PDLIM3: variants seen among roughly 807,000 people sequenced by gnomAD.
PDLIM3 encodes the protein PDZ and LIM domain protein 3.
Under a neutral mutation model 37.3 loss-of-function variants are expected in PDLIM3, and 36 were observed. The observed-to-expected ratio is 0.97, with a 90% CI of 0.74 to 1.28. The LOEUF (loss-of-function observed/expected upper bound fraction) is 1.28, where lower values mean the gene tolerates loss of function less well. PDLIM3 is among the 50% of genes most tolerant of loss of function. PDLIM3 has a pLI of 0.00. For missense variants in PDLIM3, 454 were observed against 485.0 expected (o/e 0.94, Z 0.60); for synonymous variants, 174 against 182.4 (o/e 0.95, Z 0.37).
chr4:185,510,947 T>C (rs933994303), intron 4 of PDLIM3, among the ~76,000 whole-genome samples: 2 of 152,254 alleles, frequency 1.3e-5, no homozygotes, highest in Non-Finnish European at 1.5e-5. Flanking sequence ...GCACCGTGGG[T>C]CACCACGACC....
At chr4:185,528,454 T>G (rs143976851) in intron 1 of PDLIM3, among the ~76,000 whole-genome samples, 1 of 152,386 alleles carries the variant, frequency 6.6e-6, no homozygotes, top group African/African-American at 2.4e-5. Flanking sequence ...ATATTAATAC[T>G]AAATAATACC....
intron 3 of PDLIM3, among the ~76,000 whole-genome samples, chr4:185,519,617 A>G (rs1385114717): frequency 6.6e-6 from 1 of 152,198 alleles, no homozygotes; most frequent in Admixed American, 6.5e-5. Flanking sequence ...TTAAAATTTT[A>G]TATCAACTAT....
chr4:185,503,140 T>A (rs1048182794), intron 7 of PDLIM3, among the ~76,000 whole-genome samples: 1 of 151,906 alleles, frequency 6.6e-6, no homozygotes, highest in Non-Finnish European at 1.5e-5. Flanking sequence ...AGGAGAATGG[T>A]GTGAACCCGG....
rs11419562 is a variant in PDLIM3, at chr4:185,517,347, C to CTTTTTT, written c.331-3016_331-3011dup. The CTTTTTT allele has an allele frequency of 2.3e-4, 11 of 48,796 alleles. 1 individual carries two copies. The highest frequency in any genetic ancestry group is 2.9e-4 in the Non-Finnish European group (7 of 24,294). The allele number at this position is 48,796 out of a possible 1,614,324, so 3.0% of individuals were successfully genotyped here. A position where few individuals can be genotyped will look rare whatever the true frequency, so the allele number is the denominator to read the frequency against. On this transcript the variant is annotated intron_variant, in intron 3 of 7. Coordinates refer to ENST00000284767, the MANE Select transcript of PDLIM3 (RefSeq NM_014476.6). Reference sequence around the variant, plus strand: ...ATCACTTAAGTTTTGTGGAGCTTAGCTTTTTTTTTTTTTTTTTTTTTTTTT... The same window carrying CTTTTTT: ...ATCACTTAAGTTTTGTGGAGCTTAGCTTTTTTTTTTTTTTTTTTTTTTTTTTTTTTT...
At position 185,504,710 on chromosome 4, in the gene PDLIM3, A is replaced by G. The variant is rs1342254761; in HGVS notation, c.794-124T>C. 2.3e-5 allele frequency: 17 copies of G among 732,418 alleles called. No homozygotes were observed. The Admixed American group carries it at 2.6e-4, about 11-fold the overall frequency. The allele number at this position is 732,418 out of a possible 1,614,324, so 45.4% of individuals were successfully genotyped here. A position where few individuals can be genotyped will look rare whatever the true frequency, so the allele number is the denominator to read the frequency against. On this transcript the variant is annotated intron_variant, in intron 6 of 7. Transcript: ENST00000284767. The surrounding 1 kb of genome is among the most constrained non-coding windows in gnomAD (Gnocchi z 4.7). ...TCTGCACCGTCATTCCGAGAGGGGC[A>G]GGACTGATGCAATCATAAGGGACGC...
intron 5 of PDLIM3, 122 bp downstream of exon 5, chr4:185,508,177 A>G (rs1341775169): frequency 2.0e-6 from 2 of 990,902 alleles, no homozygotes; most frequent in South Asian, 2.7e-5. Flanking sequence ...AATCCTTAGT[A>G]TTTTAAAAAA....
At chr4:185,530,644 C>G (rs1187418993) in intron 1 of PDLIM3, among the ~76,000 whole-genome samples, 1 of 152,204 alleles carries the variant, frequency 6.6e-6, no homozygotes, top group African/African-American at 2.4e-5. Context: ...CCGAGACCAA[C>G]TGCAGCCTAC....
Position 185,523,465 on chromosome 4 carries a change from T to G in PDLIM3, c.246-19A>C. ...TTCTCCCCTGGAAATAAAATAAAAT[T>G]TGTAAACTTCAAATTCTAATGGTAC... On this transcript the variant is annotated intron_variant, in intron 2 of 7. Coordinates refer to ENST00000284767, the MANE Select transcript of PDLIM3 (RefSeq NM_014476.6). 6.7e-7 allele frequency: 1 copy of G among 1,484,682 alleles called. No homozygotes were observed. The highest frequency in any genetic ancestry group is 1.1e-5 in the South Asian group (1 of 87,442). 92.0% of individuals were successfully genotyped at this position (1,484,682 alleles called of 1,614,324 possible). A position where few individuals can be genotyped will look rare whatever the true frequency, so the allele number is the denominator to read the frequency against.
intron 3 of PDLIM3, among the ~76,000 whole-genome samples, chr4:185,522,988 C>A (rs571418347): frequency 1.3e-5 from 2 of 152,342 alleles, no homozygotes; most frequent in South Asian, 4.1e-4. Flanking sequence ...ATTGGAGACA[C>A]CTGTTTCAAA....
chr4:185,518,386 T>C (rs1234621376), intron 3 of PDLIM3, among the ~76,000 whole-genome samples: 1 of 152,046 alleles, frequency 6.6e-6, no homozygotes, highest in Non-Finnish European at 1.5e-5. Context: ...TTTATAATTC[T>C]GAACCATCTC....
chr4:185,503,456 G>T (rs2095690856), intron 7 of PDLIM3, among the ~76,000 whole-genome samples: 1 of 152,126 alleles, frequency 6.6e-6, no homozygotes, highest in South Asian at 2.1e-4. Context: ...TCCTCCTTTT[G>T]CCCTAACCAG....
intron 1 of PDLIM3, among the ~76,000 whole-genome samples, chr4:185,526,223 C>T (rs893980236): frequency 1.3e-5 from 2 of 152,198 alleles, no homozygotes; most frequent in African/African-American, 2.4e-5. Context: ...TTAACATGAG[C>T]GTACAGAACT....
rs1323045809 is a variant in PDLIM3, at chr4:185,522,568, T to C, written c.330+794A>G. On this transcript the variant is annotated intron_variant, in intron 3 of 7. Transcript: ENST00000284767. Reference sequence around the variant, plus strand: ...ATAGAACAACTACATGCTGGGAATATCTAATCAGTTTAGCAGGAACATGTG... The same window carrying C: ...ATAGAACAACTACATGCTGGGAATACCTAATCAGTTTAGCAGGAACATGTG... Among the ~76,000 whole-genome samples the C allele has an allele frequency of 3.0e-5, 2 of 66,864 alleles. 1 individual carries two copies. Among genetic ancestry groups the C allele is most frequent in the Non-Finnish European group, 1.2e-4 (2 of 16,268 alleles). 43.9% of individuals were successfully genotyped at this position (66,864 alleles called of 152,430 possible). A position where few individuals can be genotyped will look rare whatever the true frequency, so the allele number is the denominator to read the frequency against.
chr4:185,530,015 A>G lies in PDLIM3; in HGVS notation c.94-4844T>C, dbSNP rs2095741214. Among the ~76,000 whole-genome samples the G allele has an allele frequency of 2.0e-5, 3 of 152,178 alleles. No homozygotes were observed. In the South Asian group the frequency reaches 6.2e-4, roughly 32 times the overall value. ...GGTTGTGTGATGGCAGTTCATATAC[A>G]TGTTCCTTTTTTTCTGCTGATATAT... On this transcript the variant is annotated intron_variant, in intron 1 of 7. Coordinates refer to ENST00000284767, the MANE Select transcript of PDLIM3 (RefSeq NM_014476.6).
chr4:185,507,710 T>C (rs904646396), intron 5 of PDLIM3, among the ~76,000 whole-genome samples: 2 of 152,098 alleles, frequency 1.3e-5, no homozygotes, highest in Non-Finnish European at 2.9e-5. Flanking sequence ...AAGAAAAAAT[T>C]AGTCAAAAAG....
intron 6 of PDLIM3, among the ~76,000 whole-genome samples, chr4:185,505,481 C>T (rs1008410498): frequency 2.6e-5 from 4 of 152,014 alleles, no homozygotes; most frequent in South Asian, 2.1e-4. Flanking sequence ...ATTAGCCGGG[C>T]GCGGTGGTGG....
chr4:185,525,783 C>G (rs2095732954), intron 1 of PDLIM3, among the ~76,000 whole-genome samples: 1 of 152,150 alleles, frequency 6.6e-6, no homozygotes, highest in Non-Finnish European at 1.5e-5. Flanking sequence ...GCTCTCAGCT[C>G]TCTTGCCTCC....
At chr4:185,521,829 A>G (rs2095723830) in intron 3 of PDLIM3, among the ~76,000 whole-genome samples, 1 of 65,734 alleles carries the variant, frequency 1.5e-5, no homozygotes, top group African/African-American at 2.8e-5. Context: ...AGTTCCTTTC[A>G]TCCATTTGTC....
intron 2 of PDLIM3, 129 bp downstream of exon 2, chr4:185,524,891 A>T (rs1393838932): frequency 2.4e-6 from 2 of 822,592 alleles, no homozygotes; most frequent in East Asian, 4.9e-5. Flanking sequence ...TAAGTAGCTA[A>T]TATATAAAAA....
Sources: allele counts gnomAD v4.1 joint callset (sites outside exome capture counted in the v4.1 genomes callset), GRCh38; gene constraint gnomAD v4.1.1; non-coding constraint Gnocchi (gnomAD v3.1); transcripts MANE v1.5; gene names NCBI Gene and HGNC (gene_info 2026-07-23, HGNC 2026-07-21).